The following UGGT1 variants were observed in gnomAD, a reference collection of about 807,000 sequenced individuals.
UGGT1 encodes the protein UDP-glucose:glycoprotein glucosyltransferase 1.
Under a neutral mutation model 203.9 loss-of-function variants are expected in UGGT1, and 107 were observed. The observed-to-expected ratio is 0.52, with a 90% CI of 0.45 to 0.62. The LOEUF is 0.62. UGGT1 is among the 20% of genes least tolerant of loss of function. The pLI is 0.00. For synonymous variants in UGGT1, 628 were observed against 653.5 expected (o/e 0.96, Z 0.59); for missense variants, 1,673 against 1,867.2 (o/e 0.90, Z 1.92).
intron 38 of UGGT1, 148 bp downstream of exon 38, chr2:128,183,937 T>TGTGTGTGTGTGTGTGAGAGAGA: frequency 3.5e-6 from 1 of 285,462 alleles, no homozygotes; most frequent in South Asian, 5.4e-5. Flanking sequence ...TGTGTGTGTG[T>TGTGTGTGTGTGTGTGAGAGAGA]GAGAGAGAGA....
At chr2:128,132,803 T>C (rs1310411126) in intron 13 of UGGT1, among the ~76,000 whole-genome samples, 2 of 152,094 alleles carry the variant, frequency 1.3e-5, no homozygotes. Context: ...CTCGAACCCC[T>C]TGGGCTCAGG....
At chr2:128,142,526 A>T (rs1689485894) in intron 16 of UGGT1, among the ~76,000 whole-genome samples, 1 of 149,284 alleles carries the variant, frequency 6.7e-6, no homozygotes, top group South Asian at 2.2e-4. Context: ...TAGAGGTTGT[A>T]GTGAGCCAAG....
chr2:128,133,835 A>G (rs926152645), intron 14 of UGGT1, among the ~76,000 whole-genome samples: 1 of 151,742 alleles, frequency 6.6e-6, no homozygotes, highest in African/African-American at 2.4e-5. Flanking sequence ...TTGTTTGCCA[A>G]CTCCTACTTG....
chr2:128,134,648 G>A (rs561455230), intron 14 of UGGT1, among the ~76,000 whole-genome samples: 1 of 152,312 alleles, frequency 6.6e-6, no homozygotes, highest in Non-Finnish European at 1.5e-5. Flanking sequence ...TTGGAGTACA[G>A]TTCCCTTGTT....
chr2:128,116,470 A>G (rs1186080258), intron 8 of UGGT1, 127 bp downstream of exon 8: 48 of 610,078 alleles, frequency 7.9e-5, no homozygotes, highest in Non-Finnish European at 5.9e-6. Flanking sequence ...TACTTTATGT[A>G]TGCAATCCTA....
At chr2:128,156,290 A>G in intron 20 of UGGT1, 102 bp from the exon 21 acceptor site, 1 of 882,100 alleles carries the variant, frequency 1.1e-6, no homozygotes, top group Non-Finnish European at 1.9e-6. Flanking sequence ...AGGAAGAACC[A>G]TAGACCGTGT....
chr2:128,117,692 C>A (rs563036653), intron 8 of UGGT1, among the ~76,000 whole-genome samples: 1 of 151,840 alleles, frequency 6.6e-6, no homozygotes, highest in Non-Finnish European at 1.5e-5. Flanking sequence ...TACAGGCATC[C>A]GCCACCACAC....
chr2:128,110,344 C>T lies in UGGT1; in HGVS notation c.521+598C>T, dbSNP rs77647597. 7.6e-3 allele frequency among the ~76,000 whole-genome samples: 1,153 copies of T among 152,242 alleles called. 34 individuals carry two copies. The highest frequency in any genetic ancestry group is 0.058 in the East Asian group (302 of 5,172). ...ACCGTGATCTCTCCGTGGGGTTGGC[C>T]GGCCCTCTCAGTACTGCTAATGGCA... On this transcript the variant is annotated intron_variant, in intron 5 of 40. Coordinates refer to ENST00000259253, the MANE Select transcript of UGGT1 (RefSeq NM_020120.4).
At chr2:128,098,089 T>G (rs1573487341) in intron 2 of UGGT1, among the ~76,000 whole-genome samples, 1 of 151,946 alleles carries the variant, frequency 6.6e-6, no homozygotes, top group Non-Finnish European at 1.5e-5. Context: ...CTCAAACTCC[T>G]TAGCCTCATG....
At chr2:128,174,577 A>G (rs796541688) in intron 30 of UGGT1, among the ~76,000 whole-genome samples, 196 bp from the exon 31 acceptor site, 6 of 152,320 alleles carry the variant, frequency 3.9e-5, no homozygotes, top group African/African-American at 1.4e-4. Context: ...CTGGGATTAC[A>G]GGCGTGAGCC....
At chr2:128,095,346 C>T (rs182649420) in intron 1 of UGGT1, among the ~76,000 whole-genome samples, 3 of 151,310 alleles carry the variant, frequency 2.0e-5, no homozygotes, top group African/African-American at 7.3e-5. Flanking sequence ...GGATGTTCTT[C>T]TTCTTCTCCT....
At chr2:128,170,917 C>T (rs930908046) in intron 27 of UGGT1, among the ~76,000 whole-genome samples, 2 of 152,134 alleles carry the variant, frequency 1.3e-5, no homozygotes, top group Admixed American at 1.3e-4. Context: ...AGCGGTGACT[C>T]TGAGGCCTGT....
intron 13 of UGGT1, among the ~76,000 whole-genome samples, chr2:128,130,455 C>T (rs1688820383): frequency 6.6e-6 from 1 of 152,040 alleles, no homozygotes; most frequent in Non-Finnish European, 1.5e-5. Context: ...GGTGATATAA[C>T]TTATTTTGAT....
chr2:128,178,361 A>T (rs985977740), intron 33 of UGGT1, 107 bp from the exon 34 acceptor site: 1 of 961,244 alleles, frequency 1.0e-6, no homozygotes, highest in Non-Finnish European at 1.6e-6. Context: ...GCTGCAGCTC[A>T]CCCGCTAGGG....
chr2:128,139,455 A>G (rs1442262834), intron 16 of UGGT1, among the ~76,000 whole-genome samples: 1 of 152,150 alleles, frequency 6.6e-6, no homozygotes, highest in African/African-American at 2.4e-5. Flanking sequence ...TTATAAGTAC[A>G]CATGTTTGAT....
intron 26 of UGGT1, among the ~76,000 whole-genome samples, chr2:128,165,232 G>C (rs1690729766): frequency 6.6e-6 from 1 of 152,176 alleles, no homozygotes. Context: ...CTCGAGACCA[G>C]CAAACAAAGG....
At chr2:128,169,048 TAAAAAAAAAAAAAA>T (rs544381740) in intron 26 of UGGT1, among the ~76,000 whole-genome samples, 4,490 of 52,060 alleles carry the variant, frequency 0.086, 276 homozygotes, top group Non-Finnish European at 0.1. Context: ...ACTCTGTCTT[TAAAAAAAAAAAAAA>T]AAAAAAAAAA....
intron 31 of UGGT1, among the ~76,000 whole-genome samples, chr2:128,176,365 T>C (rs577417308): frequency 7.2e-4 from 106 of 147,344 alleles, no homozygotes; most frequent in Middle Eastern, 3.6e-3. Context: ...TGAGCCGAGA[T>C]TGCTCTACTG....
chr2:128,127,635 A>G (rs1180020003), intron 12 of UGGT1, among the ~76,000 whole-genome samples, 183 bp downstream of exon 12: 1 of 152,130 alleles, frequency 6.6e-6, no homozygotes. Context: ...ACATATCTCC[A>G]TCTTGTGTTA....
Sources: gnomAD v4.1 joint callset for allele counts (sites outside exome capture counted in the v4.1 genomes callset) on GRCh38, gnomAD v4.1.1 for gene constraint, MANE v1.5 for transcripts, NCBI Gene and HGNC (gene_info 2026-07-23, HGNC 2026-07-21) for gene names.